Variants in CNTN5 observed in about 807,000 individuals in gnomAD.
The protein encoded by CNTN5 is contactin 5.
Under a neutral mutation model 129.1 loss-of-function variants are expected in CNTN5, and 77 were observed. That is an observed-to-expected ratio of 0.60 (90% CI 0.50 to 0.72). CNTN5 has a LOEUF of 0.72. CNTN5 is among the 30% of genes least tolerant of loss of function. The probability of loss-of-function intolerance (pLI) is 0.00; values close to 1 mark genes in which losing one functional copy is unlikely to be tolerated. For missense variants in CNTN5, 1,478 were observed against 1,328.8 expected, an observed-to-expected ratio of 1.11 and a Z score of -1.75; for synonymous variants, 509 against 465.6, an observed-to-expected ratio of 1.09 and a Z score of -1.20.
intron 3 of CNTN5, among the ~76,000 whole-genome samples, chr11:99,584,457 T>C (rs1949724534): frequency 1.3e-5 from 2 of 152,300 alleles, no homozygotes; most frequent in South Asian, 4.1e-4. Context: ...AATAATGTTA[T>C]TGGCCTGCTT....
intron 6 of CNTN5, among the ~76,000 whole-genome samples, chr11:99,871,336 G>A (rs1285953467): frequency 6.6e-6 from 1 of 151,984 alleles, no homozygotes; most frequent in Non-Finnish European, 1.5e-5. Context: ...TTAAAATACA[G>A]ACCCTGGTTA....
intron 13 of CNTN5, among the ~76,000 whole-genome samples, chr11:100,113,343 T>C (rs1945716271): frequency 7.6e-6 from 1 of 131,418 alleles, no homozygotes; most frequent in South Asian, 2.4e-4. Context: ...CCATGTAACC[T>C]GAAACTAAAG....
intron 3 of CNTN5, among the ~76,000 whole-genome samples, chr11:99,596,959 T>C (rs11220586): frequency 0.14 from 21,978 of 152,192 alleles, 1,887 homozygotes; most frequent in Non-Finnish European, 0.19. Flanking sequence ...ATGGGAAGTT[T>C]TCTTCAATCA....
At chr11:99,110,401 G>A (rs1035297999) in intron 1 of CNTN5, among the ~76,000 whole-genome samples, 3 of 152,060 alleles carry the variant, frequency 2.0e-5, no homozygotes, top group Admixed American at 6.6e-5. Flanking sequence ...ATTATATGAC[G>A]TATGAATGTC....
intron 3 of CNTN5, among the ~76,000 whole-genome samples, chr11:99,622,595 TC>T (rs1392628446): frequency 6.6e-6 from 1 of 152,132 alleles, no homozygotes; most frequent in Non-Finnish European, 1.5e-5. Context: ...AATCACTTTT[TC>T]AATGAAAGGA....
chr11:99,072,100 C>A (rs1036462886), intron 1 of CNTN5, among the ~76,000 whole-genome samples: 3 of 151,974 alleles, frequency 2.0e-5, no homozygotes, highest in Non-Finnish European at 4.4e-5. Flanking sequence ...TGAACAATGG[C>A]AGAACTACTC....
chr11:100,276,605 A>G (rs549691116), intron 18 of CNTN5, among the ~76,000 whole-genome samples: 2 of 151,506 alleles, frequency 1.3e-5, no homozygotes, highest in South Asian at 2.1e-4. Context: ...GGTTCAGTCC[A>G]ATTTCTTAGT....
chr11:99,848,768 T>C (rs1377589959), intron 6 of CNTN5, among the ~76,000 whole-genome samples: 2 of 152,168 alleles, frequency 1.3e-5, no homozygotes, highest in African/African-American at 4.8e-5. Context: ...AGATTATTTT[T>C]ATGCTGGGCT....
At chr11:100,079,580 T>C (rs1200740318) in intron 13 of CNTN5, among the ~76,000 whole-genome samples, 2 of 152,162 alleles carry the variant, frequency 1.3e-5, no homozygotes, top group Non-Finnish European at 2.9e-5. Context: ...TTATAGGCCA[T>C]GTGCAAATAG....
At chr11:99,498,492 A>T (rs1244076592) in intron 2 of CNTN5, among the ~76,000 whole-genome samples, 1 of 152,130 alleles carries the variant, frequency 6.6e-6, no homozygotes. Context: ...CATTGTGTTA[A>T]TTCCTCCATT....
chr11:99,819,561 C>T lies in CNTN5; in HGVS notation c.73C>T (p.Pro25Ser). Reference protein sequence around the residue: ...MCLSEYSKSLPGLSTSYAALL... With the variant: ...MCLSEYSKSLSGLSTSYAALL... ...TCTTACAGAGTATTCAAAATCTCTTCCTGGTCTCTCCACTTCATATGCTGC... is the reference window on the plus strand; with the variant it reads ...TCTTACAGAGTATTCAAAATCTCTTTCTGGTCTCTCCACTTCATATGCTGC... Residue 25 changes from proline to serine, a missense_variant, in exon 4 of 25, where the codon CCT becomes TCT. Coordinates refer to ENST00000524871, the MANE Select transcript of CNTN5 (RefSeq NM_014361.4). 2 of 1,611,874 alleles carry T rather than the reference C, an allele frequency of 1.2e-6. No homozygotes were observed. The highest frequency in any genetic ancestry group is 1.7e-6 in the Non-Finnish European group (2 of 1,179,152).
intron 3 of CNTN5, among the ~76,000 whole-genome samples, chr11:99,763,596 C>T (rs555346387): frequency 2.0e-5 from 3 of 151,842 alleles, no homozygotes; most frequent in South Asian, 2.1e-4. Context: ...TTTTTAAATG[C>T]GTGTAGTCAA....
Position 99,630,355 on chromosome 11 carries a change from G to A in CNTN5, c.55+74086G>A, listed in dbSNP as rs549896032. Among the ~76,000 whole-genome samples the A allele has an allele frequency of 3.3e-5, 5 of 151,968 alleles. No homozygotes were observed. The South Asian group carries it at 1.0e-3, about 32-fold the overall frequency. ...AGAGCAATTTTCAGGACATCAGGGT[G>A]GCAGGGTTTATAAGGAGACTTTCCT... On this transcript the variant is annotated intron_variant, in intron 3 of 24. Transcript: ENST00000524871.
intron 2 of CNTN5, among the ~76,000 whole-genome samples, chr11:99,519,265 G>A (rs1947179780): frequency 6.6e-6 from 1 of 151,872 alleles, no homozygotes; most frequent in Non-Finnish European, 1.5e-5. Flanking sequence ...CTTCTTTATA[G>A]AAGCCCTCTT....
At chr11:100,018,637 G>A (rs1940957991) in intron 9 of CNTN5, among the ~76,000 whole-genome samples, 2 of 151,892 alleles carry the variant, frequency 1.3e-5, no homozygotes, top group East Asian at 3.8e-4. Flanking sequence ...CATTTGTTTA[G>A]AAGTCTTTAT....
At chr11:99,365,667 G>T (rs1477732412) in intron 2 of CNTN5, among the ~76,000 whole-genome samples, 1 of 152,086 alleles carries the variant, frequency 6.6e-6, no homozygotes, top group Non-Finnish European at 1.5e-5. Context: ...GATATAATAT[G>T]CAGTAACTTT....
intron 1 of CNTN5, among the ~76,000 whole-genome samples, chr11:99,208,808 TA>T (rs1219184217): frequency 6.6e-6 from 1 of 151,952 alleles, no homozygotes; most frequent in Non-Finnish European, 1.5e-5. Context: ...TTCAAAATAA[TA>T]AAAAAATGCA....
chr11:100,191,199 C>G lies in CNTN5; in HGVS notation c.1654C>G (p.Arg552Gly), dbSNP rs772226535. 2.5e-6 allele frequency: 4 copies of G among 1,612,086 alleles called. No homozygotes were observed. Among genetic ancestry groups the G allele is most frequent in the Middle Eastern group, 3.3e-4 (2 of 6,054 alleles). Reference sequence around the variant, plus strand: ...ATCAGACGAGGGAAAGTACGTTTGCCGAGGGGAAAACGTCTTTGGTTCTGC... The same window carrying G: ...ATCAGACGAGGGAAAGTACGTTTGCGGAGGGGAAAACGTCTTTGGTTCTGC... ...SKSDEGKYVCRGENVFGSAEI... is the reference protein window; with the variant it reads ...SKSDEGKYVCGGENVFGSAEI... Residue 552 changes from arginine (R) to glycine (G), a missense_variant, in exon 14 of 25, where the codon CGA (arginine) becomes GGA (glycine). Transcript: ENST00000524871.
chr11:99,218,884 T>C (rs1860260328), intron 1 of CNTN5, among the ~76,000 whole-genome samples: 2 of 152,128 alleles, frequency 1.3e-5, no homozygotes, highest in African/African-American at 4.8e-5. Context: ...CCGCTTTCCC[T>C]GTTCTGATGC....
Sources: allele counts gnomAD v4.1 joint callset (sites outside exome capture counted in the v4.1 genomes callset), GRCh38; gene constraint gnomAD v4.1.1; transcripts MANE v1.5; gene names NCBI Gene and HGNC (gene_info 2026-07-23, HGNC 2026-07-21).